THSD7A: variants seen among roughly 807,000 people sequenced by gnomAD.
THSD7A encodes the protein thrombospondin type 1 domain containing 7A.
In THSD7A, 96 loss-of-function variants were observed where a neutral mutation model predicts 231.3. That is an observed-to-expected ratio of 0.41 (90% CI 0.35 to 0.49). The LOEUF (loss-of-function observed/expected upper bound fraction) is 0.49, where lower values mean the gene tolerates loss of function less well. Ranked by LOEUF, THSD7A falls within the 20% of genes least tolerant of loss-of-function variation. The probability of loss-of-function intolerance (pLI) is 0.05; values close to 1 mark genes in which losing one functional copy is unlikely to be tolerated. For missense variants in THSD7A, 2,290 were observed against 2,070.2 expected, an observed-to-expected ratio of 1.11 and a Z score of -2.06; for synonymous variants, 940 against 743.3, an observed-to-expected ratio of 1.26 and a Z score of -4.30.
intron 1 of THSD7A, chr7:11,820,690 C>T (rs1784849504): frequency 2.3e-6 from 2 of 882,792 alleles, no homozygotes; most frequent in Non-Finnish European, 1.9e-6. Context: ...TCCCCAGTCT[C>T]GATGTCTCAA....
intron 1 of THSD7A, among the ~76,000 whole-genome samples, chr7:11,769,141 A>ATTTTT (rs1562541275): frequency 5.7e-5 from 2 of 34,974 alleles, no homozygotes; most frequent in East Asian, 5.0e-4. Flanking sequence ...ATATATATAT[A>ATTTTT]TATATATATA....
intron 8 of THSD7A, among the ~76,000 whole-genome samples, chr7:11,471,328 G>C (rs1583804532): frequency 6.6e-6 from 1 of 151,926 alleles, no homozygotes; most frequent in Non-Finnish European, 1.5e-5. Context: ...CTATATAAGA[G>C]AATTCAAATA....
intron 1 of THSD7A, among the ~76,000 whole-genome samples, chr7:11,669,317 C>T (rs888882977): frequency 2.6e-5 from 4 of 151,976 alleles, no homozygotes; most frequent in South Asian, 2.1e-4. Context: ...TACTTTTTTT[C>T]GGACATCAAT....
intron 2 of THSD7A, among the ~76,000 whole-genome samples, chr7:11,614,891 G>A (rs895646408): frequency 5.9e-5 from 9 of 152,106 alleles, no homozygotes; most frequent in African/African-American, 2.2e-4. Context: ...GGGAGAAGGT[G>A]AATATATTTT....
At chr7:11,514,706 G>A (rs1787953423) in intron 6 of THSD7A, among the ~76,000 whole-genome samples, 1 of 152,046 alleles carries the variant, frequency 6.6e-6, no homozygotes, top group Admixed American at 6.6e-5. Context: ...TTTTTCAACA[G>A]GTTAGCAGTA....
chr7:11,541,724 G>A lies in THSD7A; in HGVS notation c.1610-93C>T. The A allele has an allele frequency of 4.2e-6, 5 of 1,187,986 alleles. No individual in the cohort carries two copies. In the South Asian group the frequency reaches 5.3e-5, roughly 13 times the overall value. The allele number at this position is 1,187,986 out of a possible 1,614,324, so 73.6% of individuals were successfully genotyped here. ...AAACCTCAGAGTAAAAGTTGGATAA[G>A]AGTGGAGGTAGAAGTCATTTCTGTT... On this transcript the variant is annotated intron_variant, in intron 5 of 27. Coordinates refer to ENST00000423059, the MANE Select transcript of THSD7A (RefSeq NM_015204.3).
intron 6 of THSD7A, among the ~76,000 whole-genome samples, chr7:11,523,832 T>C (rs10235182): frequency 0.25 from 37,261 of 151,798 alleles, 5,433 homozygotes; most frequent in African/African-American, 0.41. Flanking sequence ...TTTCAGGTCT[T>C]ATTTTTAAGT....
rs1449228411 is a variant in THSD7A, at chr7:11,375,144, A to T, written c.*650T>A. 1 of 152,044 alleles carries T rather than the reference A, an allele frequency of 6.6e-6. No homozygotes were observed. The highest frequency in any genetic ancestry group is 1.9e-4 in the East Asian group (1 of 5,184). 9.4% of individuals were successfully genotyped at this position (152,044 alleles called of 1,614,324 possible). A position where few individuals can be genotyped will look rare whatever the true frequency, so the allele number is the denominator to read the frequency against. ...ACTTGAGGACTCGTTCTTCTAAGAC[A>T]CTAGTACTTGTCCAGCATTCTTACT... On this transcript the variant is annotated 3_prime_UTR_variant, in exon 28 of 28. Coordinates refer to ENST00000423059, the MANE Select transcript of THSD7A (RefSeq NM_015204.3).
intron 1 of THSD7A, among the ~76,000 whole-genome samples, chr7:11,744,414 AG>A (rs1339189790): frequency 1.3e-5 from 2 of 151,002 alleles, no homozygotes; most frequent in African/African-American, 2.5e-5. Context: ...TTATGATACC[AG>A]GTTTTTTTAT....
At chr7:11,754,090 A>G (rs1196506620) in intron 1 of THSD7A, among the ~76,000 whole-genome samples, 2 of 152,060 alleles carry the variant, frequency 1.3e-5, no homozygotes, top group African/African-American at 2.4e-5. Flanking sequence ...GGAAAAAAGC[A>G]TTCAATAGAA....
chr7:11,641,428 A>G (rs1188194866), intron 1 of THSD7A, among the ~76,000 whole-genome samples: 1 of 152,170 alleles, frequency 6.6e-6, no homozygotes, highest in Non-Finnish European at 1.5e-5. Context: ...GAATTCAAGA[A>G]TACTATTATA....
rs367658698 is a variant in THSD7A, at chr7:11,429,172, T to C, written c.3065-47A>G. 13 of 1,506,990 alleles carry C rather than the reference T, an allele frequency of 8.6e-6. No individual in the cohort carries two copies. The African/African-American group carries it at 1.1e-4, about 13-fold the overall frequency. 93.4% of individuals were successfully genotyped at this position (1,506,990 alleles called of 1,614,324 possible). ...AAGAATCATCTCCTCCACCTGTCAC[T>C]CTCCCATTACCACCCACTATTCTAG... On this transcript the variant is annotated intron_variant, in intron 13 of 27. Transcript: ENST00000423059.
intron 23 of THSD7A, among the ~76,000 whole-genome samples, chr7:11,393,264 C>G (rs1284310865): frequency 6.6e-6 from 1 of 152,134 alleles, no homozygotes; most frequent in Non-Finnish European, 1.5e-5. Flanking sequence ...GAGTGGACCT[C>G]CAGCAGACCT....
chr7:11,606,416 G>A (rs1236854351), intron 2 of THSD7A, among the ~76,000 whole-genome samples: 3 of 151,984 alleles, frequency 2.0e-5, no homozygotes, highest in African/African-American at 7.2e-5. Context: ...ACCTATGAAT[G>A]GGACCCTCCT....
chr7:11,537,583 G>A (rs1788964979), intron 6 of THSD7A, among the ~76,000 whole-genome samples: 1 of 152,078 alleles, frequency 6.6e-6, no homozygotes, highest in South Asian at 2.1e-4. Flanking sequence ...AAAGCTTCCT[G>A]AGGCCTTACC....
chr7:11,823,344 T>C (rs1384070294), intron 1 of THSD7A, among the ~76,000 whole-genome samples: 1 of 152,126 alleles, frequency 6.6e-6, no homozygotes, highest in African/African-American at 2.4e-5. Flanking sequence ...TATGCTGTTT[T>C]GGTTACTATA....
chr7:11,581,804 A>G (rs930050612), intron 4 of THSD7A, among the ~76,000 whole-genome samples: 1 of 152,076 alleles, frequency 6.6e-6, no homozygotes, highest in Non-Finnish European at 1.5e-5. Flanking sequence ...ATATATGGCA[A>G]ACTAATATTG....
intron 13 of THSD7A, among the ~76,000 whole-genome samples, chr7:11,433,234 G>C (rs956390290): frequency 6.6e-6 from 1 of 151,864 alleles, no homozygotes; most frequent in Non-Finnish European, 1.5e-5. Context: ...TTATGCTTTG[G>C]GGTGGAGAAA....
intron 1 of THSD7A, among the ~76,000 whole-genome samples, chr7:11,812,921 A>C (rs1237478392): frequency 6.6e-6 from 1 of 152,198 alleles, no homozygotes; most frequent in Non-Finnish European, 1.5e-5. Flanking sequence ...TGAAAGGAGA[A>C]TTTATTATTA....
Sources: gnomAD v4.1 joint callset for allele counts (sites outside exome capture counted in the v4.1 genomes callset) on GRCh38, gnomAD v4.1.1 for gene constraint, MANE v1.5 for transcripts, NCBI Gene and HGNC (gene_info 2026-07-23, HGNC 2026-07-21) for gene names.